MBNL2: variants seen among roughly 807,000 people sequenced by gnomAD.
MBNL2 encodes the protein muscleblind like splicing regulator 2.
Under a neutral mutation model 41.9 loss-of-function variants are expected in MBNL2, and 17 were observed. The observed-to-expected ratio is 0.41, with a 90% CI of 0.28 to 0.61. The LOEUF is 0.61. Among genes scored for constraint, MBNL2 ranks in the 20% least tolerant of loss-of-function variants. The pLI is 0.35. For synonymous variants in MBNL2, 195 were observed against 182.9 expected (o/e 1.07, Z -0.53); for missense variants, 336 against 505.6 (o/e 0.66, Z 3.22).
At chr13:97,324,278 A>C (rs78575356) in intron 2 of MBNL2, among the ~76,000 whole-genome samples, 4,882 of 152,276 alleles carry the variant, frequency 0.032, 281 homozygotes, top group African/African-American at 0.11. Flanking sequence ...GGCTTGGCAC[A>C]TGGAAGGGGT....
chr13:97,285,831 G>C (rs143631468), intron 2 of MBNL2, among the ~76,000 whole-genome samples: 10 of 152,142 alleles, frequency 6.6e-5, no homozygotes, highest in African/African-American at 2.4e-4. Flanking sequence ...CTCTCATCTG[G>C]TTTTCACCTC....
At chr13:97,199,815 G>C in the MBNL2 span, among the ~76,000 whole-genome samples, 2 of 152,184 alleles carry the variant, frequency 1.3e-5, no homozygotes, top group Non-Finnish European at 1.5e-5. Flanking sequence ...ATCTTATAGG[G>C]TTGTTGTATC....
At chr13:97,294,171 T>C (rs903789607) in intron 2 of MBNL2, among the ~76,000 whole-genome samples, 16 of 152,264 alleles carry the variant, frequency 1.1e-4, no homozygotes, top group Non-Finnish European at 2.1e-4. Context: ...CTGATATTTA[T>C]ATTATTTCTA....
the MBNL2 span, among the ~76,000 whole-genome samples, chr13:97,207,236 G>T: frequency 2.6e-5 from 4 of 152,200 alleles, no homozygotes; most frequent in Non-Finnish European, 4.4e-5. Context: ...ATGCAGAGAA[G>T]CATTATTTAT....
intron 7 of MBNL2, among the ~76,000 whole-genome samples, chr13:97,360,613 T>C (rs1239661537): frequency 6.6e-6 from 1 of 152,220 alleles, no homozygotes; most frequent in East Asian, 1.9e-4. Flanking sequence ...GATGTTGCAG[T>C]TCTGTTAGTG....
intron 8 of MBNL2, among the ~76,000 whole-genome samples, chr13:97,387,177 A>G (rs1180036535): frequency 6.6e-6 from 1 of 151,906 alleles, no homozygotes; most frequent in Non-Finnish European, 1.5e-5. Context: ...ACTTGAGGCA[A>G]TAGTCTCCCA....
intron 2 of MBNL2, among the ~76,000 whole-genome samples, chr13:97,329,728 C>CACACA (rs2060252583): frequency 5.1e-4 from 2 of 3,918 alleles, no homozygotes; most frequent in Admixed American, 1.7e-3. Flanking sequence ...ACATACACAA[C>CACACA]ATACAACACA....
chr13:97,263,402 G>A (rs2049030201), intron 1 of MBNL2, among the ~76,000 whole-genome samples: 1 of 152,132 alleles, frequency 6.6e-6, no homozygotes, highest in Non-Finnish European at 1.5e-5. Context: ...TTACACCTGG[G>A]CCTACTTAGT....
the MBNL2 span, among the ~76,000 whole-genome samples, chr13:97,208,995 A>G: frequency 2.6e-5 from 4 of 152,208 alleles, no homozygotes; most frequent in African/African-American, 9.7e-5. Context: ...TCAAACTGTG[A>G]GTGGTTTTTA....
At chr13:97,218,440 C>CAAACA (rs1555302256), upstream of MBNL2, among the ~76,000 whole-genome samples, 4 of 117,974 alleles carry the variant, frequency 3.4e-5, no homozygotes, top group South Asian at 5.3e-4. Flanking sequence ...CAAAACAAAA[C>CAAACA]AAAAAAAAAA....
chr13:97,148,939 A>C, the MBNL2 span, among the ~76,000 whole-genome samples: 3 of 152,256 alleles, frequency 2.0e-5, no homozygotes, highest in Non-Finnish European at 4.4e-5. Context: ...ACACAAGAAC[A>C]TTTCCATTTC....
At chr13:97,163,085 C>A in the MBNL2 span, among the ~76,000 whole-genome samples, 1 of 152,134 alleles carries the variant, frequency 6.6e-6, no homozygotes, top group Non-Finnish European at 1.5e-5. Context: ...ACACCAACAA[C>A]AAAGAATGTG....
In MBNL2 at chr13:97,268,207, G is replaced by A. The variant is rs938497211; in HGVS notation, c.-604-7425G>A. Among the ~76,000 whole-genome samples the A allele has an allele frequency of 2.6e-5, 4 of 152,170 alleles. No individual in the cohort carries two copies. The highest frequency in any genetic ancestry group is 7.2e-5 in the African/African-American group (3 of 41,448). On this transcript the variant is annotated intron_variant, in intron 1 of 8. Coordinates refer to ENST00000679496, the MANE Select transcript of MBNL2 (RefSeq NM_001382683.1). The surrounding 1 kb of genome is among the most constrained non-coding windows in gnomAD (Gnocchi z 4.6). ...CCTCCTGGGTTCAAGTGATTCTCAT[G>A]TCTCAGCCTCCTGAATAGCTGGGAT... is the stretch of plus-strand genomic sequence containing the variant.
At chr13:97,361,906 G>A (rs535450617) in intron 7 of MBNL2, among the ~76,000 whole-genome samples, 7 of 151,558 alleles carry the variant, frequency 4.6e-5, no homozygotes, top group African/African-American at 1.7e-4. Flanking sequence ...AGTAGCTGGG[G>A]TTACAAGCGT....
At chr13:97,148,101 G>T in the MBNL2 span, among the ~76,000 whole-genome samples, 3 of 152,164 alleles carry the variant, frequency 2.0e-5, no homozygotes, top group Admixed American at 1.3e-4. Context: ...TGAGCGACCG[G>T]TTACATAAGA....
intron 1 of MBNL2, among the ~76,000 whole-genome samples, chr13:97,245,726 T>C (rs1393000160): frequency 2.0e-5 from 3 of 152,260 alleles, no homozygotes; most frequent in Non-Finnish European, 4.4e-5. Flanking sequence ...GGCTGTTACA[T>C]TGGATTGAGT....
Position 97,370,084 on chromosome 13 carries a change from G to A in MBNL2, c.1048+4913G>A, listed in dbSNP as rs777971258. Reference sequence around the variant, plus strand: ...ATACTATGTAAGACAGGATAGTTACGTATAGATGTAGACACTCAATTCTTA... The same window carrying A: ...ATACTATGTAAGACAGGATAGTTACATATAGATGTAGACACTCAATTCTTA... On this transcript the variant is annotated intron_variant, in intron 8 of 8. Coordinates refer to ENST00000679496, the MANE Select transcript of MBNL2 (RefSeq NM_001382683.1). Among the ~76,000 whole-genome samples the A allele has an allele frequency of 4.6e-5, 7 of 152,082 alleles. No individual in the cohort carries two copies. In the East Asian group the frequency reaches 5.8e-4, roughly 13 times the overall value.
the MBNL2 span, among the ~76,000 whole-genome samples, chr13:97,193,548 C>A: frequency 2.0e-5 from 3 of 152,146 alleles, no homozygotes; most frequent in African/African-American, 4.8e-5. Flanking sequence ...AATATTTGAA[C>A]CTCAATTATT....
At chr13:97,234,270 C>A (rs903435390) in intron 1 of MBNL2, among the ~76,000 whole-genome samples, 1 of 152,168 alleles carries the variant, frequency 6.6e-6, no homozygotes, top group African/African-American at 2.4e-5. Flanking sequence ...CTTTAGGAGG[C>A]GAGCCCCTTC....
Sources: allele counts gnomAD v4.1 joint callset (sites outside exome capture counted in the v4.1 genomes callset), GRCh38; gene constraint gnomAD v4.1.1; non-coding constraint Gnocchi (gnomAD v3.1); transcripts MANE v1.5; gene names NCBI Gene and HGNC (gene_info 2026-07-23, HGNC 2026-07-21).